KCTD16: variants seen among roughly 807,000 people sequenced by gnomAD.
The protein encoded by KCTD16 is potassium channel tetramerization domain containing 16.
Under a neutral mutation model 33.2 loss-of-function variants are expected in KCTD16, and 13 were observed. The observed-to-expected ratio is 0.39, with a 90% confidence interval of 0.25 to 0.62. KCTD16 has a LOEUF of 0.62. Ranked by LOEUF, KCTD16 falls within the 20% of genes least tolerant of loss-of-function variation. KCTD16 has a pLI of 0.50. For synonymous variants in KCTD16, 197 were observed against 195.3 expected (o/e 1.01, Z -0.07); for missense variants, 441 against 525.1 (o/e 0.84, Z 1.57).
intron 3 of KCTD16, among the ~76,000 whole-genome samples, chr5:144,397,249 G>T (rs1012675199): frequency 6.6e-5 from 10 of 151,926 alleles, no homozygotes; most frequent in Non-Finnish European, 1.2e-4. Flanking sequence ...CAAAGGACAT[G>T]AACTCATCCT....
At chr5:144,230,177 C>A (rs900556784) in intron 3 of KCTD16, among the ~76,000 whole-genome samples, 1 of 152,158 alleles carries the variant, frequency 6.6e-6, no homozygotes, top group Admixed American at 6.5e-5. Flanking sequence ...CAGTGCATTG[C>A]ACTGTTTAAT....
At chr5:144,389,001 G>A (rs1042479083) in intron 3 of KCTD16, among the ~76,000 whole-genome samples, 3 of 152,116 alleles carry the variant, frequency 2.0e-5, no homozygotes, top group Admixed American at 6.6e-5. Flanking sequence ...TATCAAGGAT[G>A]GTCATAAAGG....
chr5:144,317,942 G>A (rs766135982), intron 3 of KCTD16, among the ~76,000 whole-genome samples: 21 of 152,222 alleles, frequency 1.4e-4, no homozygotes, highest in Non-Finnish European at 2.5e-4. Context: ...CGGAGTCTAT[G>A]CCCGCACTTG....
chr5:144,448,534 C>T (rs73792032), intron 3 of KCTD16, among the ~76,000 whole-genome samples: 2,001 of 152,148 alleles, frequency 0.013, 40 homozygotes, highest in African/African-American at 0.045. Flanking sequence ...AACACTGAGG[C>T]TGAAGTTGGA....
chr5:144,432,576 T>C, intron 3 of KCTD16, among the ~76,000 whole-genome samples: 1 of 152,140 alleles, frequency 6.6e-6, no homozygotes, highest in East Asian at 1.9e-4. Context: ...TGGGCAAGAC[T>C]GAATGACTTA....
rs1754638623 is a variant in KCTD16, at chr5:144,478,400, G to A, written c.*4286G>A. Reference sequence around the variant, plus strand: ...CACAGCCTTGTGATGCAAACACAGAGCTTATTTGTTTGAAATGCCTATTAT... The same window carrying A: ...CACAGCCTTGTGATGCAAACACAGAACTTATTTGTTTGAAATGCCTATTAT... On this transcript the variant is annotated 3_prime_UTR_variant, in exon 4 of 4. Coordinates refer to ENST00000512467, the MANE Select transcript of KCTD16 (RefSeq NM_020768.4). 1 of 151,998 alleles carries A rather than the reference G, an allele frequency of 6.6e-6. No individual in the cohort carries two copies. Among genetic ancestry groups the A allele is most frequent in the South Asian group, 2.1e-4 (1 of 4,832 alleles). The allele number at this position is 151,998 out of a possible 1,614,324, so 9.4% of individuals were successfully genotyped here. A position where few individuals can be genotyped will look rare whatever the true frequency, so the allele number is the denominator to read the frequency against.
intron 3 of KCTD16, among the ~76,000 whole-genome samples, chr5:144,409,888 T>C (rs991436505): frequency 5.9e-5 from 9 of 152,102 alleles, no homozygotes; most frequent in Non-Finnish European, 1.2e-4. Context: ...ATAAGTACTA[T>C]GGTGGGGGAG....
chr5:144,238,500 C>T (rs1468069617), intron 3 of KCTD16, among the ~76,000 whole-genome samples: 1 of 152,040 alleles, frequency 6.6e-6, no homozygotes, highest in Non-Finnish European at 1.5e-5. Flanking sequence ...GTGAGAGTTG[C>T]CTAGGAAGTG....
At chr5:144,450,994 G>T (rs1775575991) in intron 3 of KCTD16, among the ~76,000 whole-genome samples, 1 of 150,992 alleles carries the variant, frequency 6.6e-6, no homozygotes, top group South Asian at 2.1e-4. Flanking sequence ...AATGACAAAA[G>T]AACACAAGGA....
rs1284591128 is a variant in KCTD16 at position 144,484,798 on chromosome 5, C to A, written c.*10684C>A. The A allele has an allele frequency of 1.3e-5, 2 of 151,956 alleles. No individual in the cohort carries two copies. Among genetic ancestry groups the A allele is most frequent in the African/African-American group, 4.8e-5 (2 of 41,412 alleles). 9.4% of individuals were successfully genotyped at this position (151,956 alleles called of 1,614,324 possible). On this transcript the variant is annotated 3_prime_UTR_variant, in exon 4 of 4. Coordinates refer to ENST00000512467, the MANE Select transcript of KCTD16 (RefSeq NM_020768.4). ...GCACATTGATGAATAACAAGTGACA[C>A]CCAATGAAATTACCTCTTCTCCTTT...
chr5:144,369,274 A>G (rs912620627), intron 3 of KCTD16: 1 of 152,270 alleles, frequency 6.6e-6, no homozygotes, highest in South Asian at 2.1e-4. Context: ...CTGAAGCCTG[A>G]GAGACATGGT....
At chr5:144,449,748 C>G (rs1753899309) in intron 3 of KCTD16, among the ~76,000 whole-genome samples, 1 of 151,916 alleles carries the variant, frequency 6.6e-6, no homozygotes, top group African/African-American at 2.4e-5. Flanking sequence ...AAAGTATAGT[C>G]TTTTCAACAA....
chr5:144,356,297 T>C (rs1361407188), intron 3 of KCTD16, among the ~76,000 whole-genome samples: 1 of 152,178 alleles, frequency 6.6e-6, no homozygotes, highest in Non-Finnish European at 1.5e-5. Context: ...GGAGTATGCT[T>C]TTTCTCTGAG....
chr5:144,462,639 C>T (rs571425529), intron 3 of KCTD16, among the ~76,000 whole-genome samples: 2 of 151,372 alleles, frequency 1.3e-5, no homozygotes, highest in African/African-American at 2.4e-5. Flanking sequence ...GTATATTACC[C>T]AGTAACAATT....
At chr5:144,434,779 A>G (rs1471404489) in intron 3 of KCTD16, among the ~76,000 whole-genome samples, 2 of 152,202 alleles carry the variant, frequency 1.3e-5, no homozygotes, top group African/African-American at 2.4e-5. Flanking sequence ...TGAATAGGTC[A>G]TGTGAAACAC....
At chr5:144,413,426 C>T (rs1000497664) in intron 3 of KCTD16, among the ~76,000 whole-genome samples, 1 of 152,176 alleles carries the variant, frequency 6.6e-6, no homozygotes, top group Non-Finnish European at 1.5e-5. Flanking sequence ...CAGGTTTATA[C>T]AAGATTTTTT....
chr5:144,269,821 T>C (rs1241412031), intron 3 of KCTD16, among the ~76,000 whole-genome samples: 22 of 152,058 alleles, frequency 1.4e-4, no homozygotes, highest in Non-Finnish European at 2.5e-4. Context: ...AAGGATGAAA[T>C]TTTGTGACCT....
intron 2 of KCTD16, among the ~76,000 whole-genome samples, chr5:144,186,734 G>GATCA (rs1752734460): frequency 6.6e-6 from 1 of 152,144 alleles, no homozygotes; most frequent in African/African-American, 2.4e-5. Context: ...TTACCAAACT[G>GATCA]ATCAAGGTAA....
At chr5:144,281,479 C>A (rs1347018853) in intron 3 of KCTD16, among the ~76,000 whole-genome samples, 1 of 152,114 alleles carries the variant, frequency 6.6e-6, no homozygotes, top group African/African-American at 2.4e-5. Flanking sequence ...TGTTGTTTAA[C>A]TTTTCAAATA....
Sources: allele counts gnomAD v4.1 joint callset (sites outside exome capture counted in the v4.1 genomes callset), GRCh38; gene constraint gnomAD v4.1.1; transcripts MANE v1.5; gene names NCBI Gene and HGNC (gene_info 2026-07-23, HGNC 2026-07-21).